The following PDE3A variants were observed in gnomAD, a reference collection of about 807,000 sequenced individuals.
PDE3A encodes cGMP-inhibited 3',5'-cyclic phosphodiesterase 3A.
A neutral mutation model predicts 98.3 loss-of-function variants in PDE3A; 43 were observed. The observed-to-expected ratio is 0.44, with a 90% CI of 0.34 to 0.56. PDE3A has a LOEUF of 0.56. Ranked by LOEUF, PDE3A falls within the 20% of genes least tolerant of loss-of-function variation. The probability of loss-of-function intolerance (pLI) is 0.01; values close to 1 mark genes in which losing one functional copy is unlikely to be tolerated. For synonymous variants in PDE3A, 663 were observed against 567.9 expected (o/e 1.17, Z -2.38); for missense variants, 1,427 against 1,440.7 (o/e 0.99, Z 0.15).
At chr12:20,574,517 G>A (rs4609649) in intron 2 of PDE3A, among the ~76,000 whole-genome samples, 18,306 of 151,960 alleles carry the variant, frequency 0.12, 1,313 homozygotes, top group East Asian at 0.3. Context: ...GATACAATAC[G>A]TTGGAAGACA....
At chr12:20,386,638 C>T (rs536739401) in intron 1 of PDE3A, among the ~76,000 whole-genome samples, 15 of 151,864 alleles carry the variant, frequency 9.9e-5, no homozygotes, top group African/African-American at 2.7e-4. Context: ...CTGCGCCTGG[C>T]CTTTTTCTTG....
chr12:20,552,372 G>A lies in PDE3A; in HGVS notation c.961-4288G>A. ...TTCTCGTGTGGCGCTACCTTCTGCG[G>A]AGGGACGATGATGAGCCCGGCCCTT... On this transcript the variant is annotated intron_variant, in intron 1 of 15. Transcript: ENST00000359062. The surrounding 1 kb of genome is among the most constrained non-coding windows in gnomAD (Gnocchi z 5.1). 1 of 1,613,724 alleles carries A rather than the reference G, an allele frequency of 6.2e-7. No homozygotes were observed. The highest frequency in any genetic ancestry group is 8.5e-7 in the Non-Finnish European group (1 of 1,179,868).
intron 2 of PDE3A, among the ~76,000 whole-genome samples, chr12:20,605,257 G>A (rs1943683920): frequency 6.6e-6 from 1 of 152,132 alleles, no homozygotes; most frequent in Non-Finnish European, 1.5e-5. Flanking sequence ...ATTGGGAGAA[G>A]TATATGGAAA....
chr12:20,679,907 TATAATATA>T (rs1945731318), intron 15 of PDE3A, 115 bp from the exon 16 acceptor site: 1 of 163,298 alleles, frequency 6.1e-6, no homozygotes, highest in Non-Finnish European at 1.2e-5. Context: ...ATATATATAA[TATAATATA>T]ATATAATAAG....
At chr12:20,616,724 A>T (rs147720329) in intron 4 of PDE3A, among the ~76,000 whole-genome samples, 4 of 152,134 alleles carry the variant, frequency 2.6e-5, no homozygotes. Flanking sequence ...AAAAGCATAC[A>T]ACTTGACATT....
intron 15 of PDE3A, among the ~76,000 whole-genome samples, chr12:20,662,216 C>A (rs1296351565): frequency 6.6e-6 from 1 of 152,138 alleles, no homozygotes; most frequent in African/African-American, 2.4e-5. Context: ...ACTCAGAAGA[C>A]AGGAAAATAT....
intron 1 of PDE3A, among the ~76,000 whole-genome samples, chr12:20,435,938 T>C (rs114313754): frequency 0.018 from 2,796 of 152,246 alleles, 42 homozygotes; most frequent in Middle Eastern, 0.065. Flanking sequence ...TTTGTGTTTC[T>C]TGTGTTGCAT....
chr12:20,600,632 T>A (rs562317095), intron 2 of PDE3A, among the ~76,000 whole-genome samples: 4 of 152,312 alleles, frequency 2.6e-5, no homozygotes, highest in African/African-American at 9.6e-5. Context: ...TTTTCATGTA[T>A]GTACCCAATT....
intron 1 of PDE3A, among the ~76,000 whole-genome samples, chr12:20,550,645 G>A (rs943060714): frequency 6.6e-6 from 1 of 152,022 alleles, no homozygotes; most frequent in African/African-American, 2.4e-5. Flanking sequence ...CTGGGTCAGT[G>A]TACCCAAAAT....
chr12:20,549,599 T>C (rs1942144619), intron 1 of PDE3A, among the ~76,000 whole-genome samples: 1 of 152,140 alleles, frequency 6.6e-6, no homozygotes. Flanking sequence ...CAGAGTTCAT[T>C]CTTTTTGAAT....
At chr12:20,529,519 C>T (rs548803330) in intron 1 of PDE3A, among the ~76,000 whole-genome samples, 282 of 152,160 alleles carry the variant, frequency 1.9e-3, no homozygotes, top group Non-Finnish European at 3.2e-3. Context: ...GGTCCTAATT[C>T]AACATGACTG....
chr12:20,676,705 T>C (rs1945651238), intron 15 of PDE3A, among the ~76,000 whole-genome samples: 1 of 152,116 alleles, frequency 6.6e-6, no homozygotes, highest in South Asian at 2.1e-4. Context: ...TTCACCGTGT[T>C]AGGCAGGATT....
intron 1 of PDE3A, among the ~76,000 whole-genome samples, chr12:20,465,451 C>G (rs992800580): frequency 2.6e-5 from 4 of 152,010 alleles, no homozygotes; most frequent in Non-Finnish European, 4.4e-5. Context: ...CACTCTGTCA[C>G]CCAGGCTGGA....
At chr12:20,537,207 GA>G (rs952884031) in intron 1 of PDE3A, among the ~76,000 whole-genome samples, 26 of 151,986 alleles carry the variant, frequency 1.7e-4, no homozygotes, top group Admixed American at 6.6e-5. Context: ...CTTCTTTGGA[GA>G]AATGTCTATT....
chr12:20,604,800 A>C (rs1309577917), intron 2 of PDE3A, among the ~76,000 whole-genome samples: 1 of 152,166 alleles, frequency 6.6e-6, no homozygotes. Context: ...AGAGCCAAGA[A>C]TGTTTCTCTC....
intron 1 of PDE3A, among the ~76,000 whole-genome samples, chr12:20,535,475 G>T (rs1009962156): frequency 6.6e-6 from 1 of 152,136 alleles, no homozygotes; most frequent in African/African-American, 2.4e-5. Context: ...AGGATTCCAC[G>T]GAGTAAAAGC....
intron 1 of PDE3A, among the ~76,000 whole-genome samples, chr12:20,377,223 T>C (rs1222267203): frequency 6.6e-6 from 1 of 151,796 alleles, no homozygotes; most frequent in Non-Finnish European, 1.5e-5. Flanking sequence ...CCTATAAACA[T>C]TATAGATAAG....
At chr12:20,605,468 C>T (rs1348391738) in intron 2 of PDE3A, among the ~76,000 whole-genome samples, 1 of 151,900 alleles carries the variant, frequency 6.6e-6, no homozygotes, top group Non-Finnish European at 1.5e-5. Context: ...TTAAAGATGC[C>T]AAGATGTAAT....
chr12:20,427,656 A>G (rs1438596540), intron 1 of PDE3A, among the ~76,000 whole-genome samples: 5 of 152,072 alleles, frequency 3.3e-5, no homozygotes, highest in Non-Finnish European at 7.4e-5. Flanking sequence ...AAAATTTTAT[A>G]TTTTTTATAG....
Sources: gnomAD v4.1 joint callset for allele counts (sites outside exome capture counted in the v4.1 genomes callset) on GRCh38, gnomAD v4.1.1 for gene constraint, Gnocchi (gnomAD v3.1) non-coding constraint, MANE v1.5 for transcripts, NCBI Gene and HGNC (gene_info 2026-07-23, HGNC 2026-07-21) for gene names.